FRAS1: variants seen among roughly 807,000 people sequenced by gnomAD.
The protein encoded by FRAS1 is Fraser extracellular matrix complex subunit 1.
Under a neutral mutation model 435.2 loss-of-function variants are expected in FRAS1, and 290 were observed. The ratio of observed to expected loss-of-function variants is 0.67; its 90% CI spans 0.61 to 0.73. The LOEUF is 0.73. Among genes scored for constraint, FRAS1 ranks in the 30% least tolerant of loss-of-function variants. The pLI, the probability that FRAS1 is intolerant of heterozygous loss-of-function variation, is 0.00. For missense variants in FRAS1, 4,860 were observed against 5,001.5 expected (o/e 0.97, Z 0.85); for synonymous variants, 1,800 against 1,851.0 (o/e 0.97, Z 0.71).
intron 2 of FRAS1, among the ~76,000 whole-genome samples, chr4:78,174,702 A>G (rs535457298): frequency 1.3e-5 from 2 of 152,360 alleles, no homozygotes; most frequent in East Asian, 3.9e-4. Flanking sequence ...CCTGGGGATA[A>G]AATGACAGGA....
chr4:78,530,634 A>G (rs1327876059), intron 70 of FRAS1, among the ~76,000 whole-genome samples: 1 of 152,162 alleles, frequency 6.6e-6, no homozygotes, highest in Non-Finnish European at 1.5e-5. Context: ...GGTTTTTCAA[A>G]GATCAGATGG....
At chr4:78,197,659 G>A (rs1578180284) in intron 2 of FRAS1, among the ~76,000 whole-genome samples, 2 of 151,916 alleles carry the variant, frequency 1.3e-5, no homozygotes, top group South Asian at 2.1e-4. Context: ...AGAGTGGACT[G>A]GGCTGGGAGT....
chr4:78,480,659 G>A (rs772685313), intron 56 of FRAS1, among the ~76,000 whole-genome samples: 1 of 152,188 alleles, frequency 6.6e-6, no homozygotes, highest in Non-Finnish European at 1.5e-5. Context: ...GCGATCAGTG[G>A]GCAGGTCACT....
intron 35 of FRAS1, among the ~76,000 whole-genome samples, chr4:78,424,757 CA>C (rs1207908618): frequency 1.3e-5 from 2 of 150,614 alleles, no homozygotes; most frequent in African/African-American, 4.9e-5. Context: ...GCCTGGACAA[CA>C]ATGCAAGACC....
chr4:78,149,198 A>G (rs984904238), intron 2 of FRAS1, among the ~76,000 whole-genome samples: 1 of 152,172 alleles, frequency 6.6e-6, no homozygotes, highest in African/African-American at 2.4e-5. Context: ...GCCCACAGTG[A>G]GTGCCATGTT....
At chr4:78,073,079 G>C (rs912092100) in intron 2 of FRAS1, among the ~76,000 whole-genome samples, 2 of 152,220 alleles carry the variant, frequency 1.3e-5, no homozygotes, top group Middle Eastern at 6.8e-3. Flanking sequence ...GTTCCTCAAA[G>C]GGAGTAACTT....
chr4:78,177,231 C>T (rs1578168367), intron 2 of FRAS1, among the ~76,000 whole-genome samples: 1 of 152,008 alleles, frequency 6.6e-6, no homozygotes, highest in East Asian at 1.9e-4. Flanking sequence ...TTTATATTCA[C>T]CAGAAGAGGG....
At chr4:78,219,432 C>T in intron 2 of FRAS1, among the ~76,000 whole-genome samples, 1 of 152,074 alleles carries the variant, frequency 6.6e-6, no homozygotes, top group East Asian at 1.9e-4. Context: ...TAATATATTT[C>T]CTAATTGCTT....
At chr4:78,468,259 G>A (rs1336494684) in intron 50 of FRAS1, among the ~76,000 whole-genome samples, 1 of 152,118 alleles carries the variant, frequency 6.6e-6, no homozygotes, top group Non-Finnish European at 1.5e-5. Flanking sequence ...TATGTGGTGA[G>A]AGAGAGGGGT....
intron 2 of FRAS1, among the ~76,000 whole-genome samples, chr4:78,074,145 A>G (rs1456418378): frequency 5.0e-5 from 7 of 139,702 alleles, no homozygotes. Flanking sequence ...CTTTCCTCCA[A>G]AGGGAAATTG....
At position 78,429,021 on chromosome 4, in the gene FRAS1, G is replaced by A. The variant is rs910135147; in HGVS notation, c.4712-74G>A. 6.1e-6 allele frequency: 9 copies of A among 1,476,370 alleles called. No individual in the cohort carries two copies. In the Admixed American group the frequency reaches 1.8e-4, roughly 30 times the overall value. The allele number at this position is 1,476,370 out of a possible 1,614,324, so 91.5% of individuals were successfully genotyped here. A position where few individuals can be genotyped will look rare whatever the true frequency, so the allele number is the denominator to read the frequency against. On this transcript the variant is annotated intron_variant, in intron 35 of 73. Transcript: ENST00000512123. ...CCTGAAGAGGACCAGACTACAAGTT[G>A]ATTCGTGTGTGTGTGTGCGTGTCTC...
At chr4:78,222,197 G>A (rs1724087701) in intron 2 of FRAS1, among the ~76,000 whole-genome samples, 1 of 152,174 alleles carries the variant, frequency 6.6e-6, no homozygotes, top group Non-Finnish European at 1.5e-5. Context: ...GAGGACTCCT[G>A]TGGAATCTAT....
chr4:78,146,783 A>G (rs554343278), intron 2 of FRAS1, among the ~76,000 whole-genome samples: 1 of 152,296 alleles, frequency 6.6e-6, no homozygotes, highest in African/African-American at 2.4e-5. Flanking sequence ...ATGGCCACAT[A>G]AATATTGATC....
intron 2 of FRAS1, among the ~76,000 whole-genome samples, chr4:78,077,905 TA>T (rs61014553): frequency 0.16 from 22,481 of 136,958 alleles, 1,787 homozygotes; most frequent in East Asian, 0.29. Flanking sequence ...AGCCTTGTTC[TA>T]AAAAAAAAAA....
chr4:78,250,896 G>C (rs1028054620), intron 4 of FRAS1, among the ~76,000 whole-genome samples: 4 of 152,022 alleles, frequency 2.6e-5, no homozygotes, highest in Non-Finnish European at 5.9e-5. Context: ...CATTCTGTAA[G>C]TTTTTGCTAT....
At chr4:78,303,465 C>T (rs184343185) in intron 14 of FRAS1, among the ~76,000 whole-genome samples, 12 of 152,224 alleles carry the variant, frequency 7.9e-5, no homozygotes, top group East Asian at 3.9e-4. Flanking sequence ...GCTATTTTCA[C>T]GATATTGATT....
At chr4:78,139,326 T>G (rs202013712) in intron 2 of FRAS1, among the ~76,000 whole-genome samples, 24,462 of 152,056 alleles carry the variant, frequency 0.16, 2,136 homozygotes, top group Admixed American at 0.2. Context: ...AGCAGACTAT[T>G]GATTGAGCAG....
At chr4:78,080,105 C>T (rs1740828988) in intron 2 of FRAS1, among the ~76,000 whole-genome samples, 2 of 152,120 alleles carry the variant, frequency 1.3e-5, no homozygotes, top group South Asian at 4.1e-4. Context: ...AATGGCATCT[C>T]ACCTTGCAGC....
intron 65 of FRAS1, among the ~76,000 whole-genome samples, chr4:78,514,620 T>G (rs893832785): frequency 1.3e-5 from 2 of 152,198 alleles, no homozygotes; most frequent in Non-Finnish European, 2.9e-5. Context: ...AATACTAAAC[T>G]TTGCACCTGT....
Sources: gnomAD v4.1 joint callset for allele counts (sites outside exome capture counted in the v4.1 genomes callset) on GRCh38, gnomAD v4.1.1 for gene constraint, MANE v1.5 for transcripts, NCBI Gene and HGNC (gene_info 2026-07-23, HGNC 2026-07-21) for gene names.